The following KIRREL1 variants were observed in gnomAD, a reference collection of about 807,000 sequenced individuals.
The protein encoded by KIRREL1 is kin of IRRE-like protein 1.
In KIRREL1, 25 loss-of-function variants were observed where a neutral mutation model predicts 83.3. The ratio of observed to expected loss-of-function variants is 0.30; its 90% CI spans 0.22 to 0.42. KIRREL1 has a LOEUF of 0.42. Among genes scored for constraint, KIRREL1 ranks in the 10% least tolerant of loss-of-function variants. The pLI, the probability that KIRREL1 is intolerant of heterozygous loss-of-function variation, is 1.00. For missense variants in KIRREL1, 812 were observed against 1,032.3 expected (o/e 0.79, Z 2.92); for synonymous variants, 388 against 410.4 (o/e 0.95, Z 0.66).
rs1662124871 is a variant in KIRREL1, at chr1:158,089,500, A to G, written c.1045-2A>G. On this transcript the variant is annotated splice_acceptor_variant, in intron 8 of 14. Coordinates refer to ENST00000359209, the MANE Select transcript of KIRREL1 (RefSeq NM_018240.7). LOFTEE classifies it high-confidence loss of function. ...CCACCCGAGGCTGCTCTCTCTGCCC[A>G]GGTCCTGAGTAACAGCAACCAGCTG... 3 of 1,613,990 alleles carry G rather than the reference A, an allele frequency of 1.9e-6. No individual in the cohort carries two copies. Among genetic ancestry groups the G allele is most frequent in the African/African-American group, 1.3e-5 (1 of 74,922 alleles).
chr1:158,080,658 G>C (rs1661822656), intron 3 of KIRREL1, among the ~76,000 whole-genome samples: 1 of 152,156 alleles, frequency 6.6e-6, no homozygotes, highest in South Asian at 2.1e-4. Context: ...AAACACCTGG[G>C]CATGGTGTCT....
At position 158,016,037 on chromosome 1, in the gene KIRREL1, G is replaced by A. The variant is rs571740391; in HGVS notation, c.52+22309G>A. 9.9e-4 allele frequency among the ~76,000 whole-genome samples: 151 copies of A among 152,252 alleles called. 4 individuals are homozygous for A. The South Asian group carries it at 0.03, about 30-fold the overall frequency. ...ATTAAGAAAGCAGGCTGGGTGCGGCGGCTCAAGCCTGTAATCCCAGCACTT... is the reference window on the plus strand; with the variant it reads ...ATTAAGAAAGCAGGCTGGGTGCGGCAGCTCAAGCCTGTAATCCCAGCACTT... On this transcript the variant is annotated intron_variant, in intron 1 of 14. Transcript: ENST00000359209.
chr1:158,073,001 G>A (rs1268247056), intron 1 of KIRREL1, among the ~76,000 whole-genome samples: 1 of 152,174 alleles, frequency 6.6e-6, no homozygotes, highest in Non-Finnish European at 1.5e-5. Context: ...TCTGGGTACA[G>A]ATCAGAGAGA....
intron 1 of KIRREL1, among the ~76,000 whole-genome samples, chr1:158,071,622 C>T (rs1661517240): frequency 6.6e-6 from 1 of 152,184 alleles, no homozygotes; most frequent in Admixed American, 6.5e-5. Context: ...TTCCTGGTTC[C>T]CCTCCCACCT....
At chr1:158,013,919 A>G (rs1433416365) in intron 1 of KIRREL1, among the ~76,000 whole-genome samples, 2 of 152,150 alleles carry the variant, frequency 1.3e-5, no homozygotes, top group South Asian at 2.1e-4. Context: ...TTTAGGTGAC[A>G]CTGCTCCTGG....
chr1:158,089,675 T>A (rs1229205706), intron 9 of KIRREL1, 43 bp from the exon 10 acceptor site: 14 of 1,614,052 alleles, frequency 8.7e-6, no homozygotes, highest in Non-Finnish European at 1.2e-5. Flanking sequence ...GGGCTGGTAC[T>A]GCAGTTTTTA....
chr1:158,068,944 G>A (rs1266173580), intron 1 of KIRREL1, among the ~76,000 whole-genome samples: 2 of 152,176 alleles, frequency 1.3e-5, no homozygotes, highest in South Asian at 2.1e-4. Flanking sequence ...CCAGCAGCAC[G>A]ATCTGGAGTG....
At position 158,096,837 on chromosome 1, in the gene KIRREL1, G is replaced by A. The variant is rs1398560835; in HGVS notation, c.*1717G>A. On this transcript the variant is annotated 3_prime_UTR_variant, in exon 15 of 15. Transcript: ENST00000359209. Reference sequence around the variant, plus strand: ...GCATGTCCAGCCCAGTGGGAGACAGGGCCTCTGGTGCAGTTCCCAAAATGT... The same window carrying A: ...GCATGTCCAGCCCAGTGGGAGACAGAGCCTCTGGTGCAGTTCCCAAAATGT... The A allele has an allele frequency of 4.4e-6, 2 of 456,532 alleles. No individual in the cohort carries two copies. The highest frequency in any genetic ancestry group is 4.0e-5 in the African/African-American group (2 of 50,048). The allele number at this position is 456,532 out of a possible 1,614,324, so 28.3% of individuals were successfully genotyped here.
At position 158,043,659 on chromosome 1, in the gene KIRREL1, T is replaced by A. The variant is rs190423968; in HGVS notation, c.53-32454T>A. On this transcript the variant is annotated intron_variant, in intron 1 of 14. Transcript: ENST00000359209. The stretch of plus-strand genomic sequence containing the variant: ...AGGCTGGGTACCCCATTACCATGAG[T>A]TCTAGGGGCTGTGGAGAAGGCCTCT... Among the ~76,000 whole-genome samples the A allele has an allele frequency of 3.9e-5, 6 of 152,282 alleles. No individual in the cohort carries two copies. In the East Asian group the frequency reaches 1.2e-3, roughly 30 times the overall value.
intron 1 of KIRREL1, among the ~76,000 whole-genome samples, chr1:158,009,415 CA>C (rs1659608124): frequency 6.6e-6 from 1 of 152,186 alleles, no homozygotes; most frequent in Admixed American, 6.5e-5. Context: ...ACAGTATATG[CA>C]AAACAGAGCC....
chr1:158,020,279 G>A (rs1215207372), intron 1 of KIRREL1, among the ~76,000 whole-genome samples: 2 of 152,006 alleles, frequency 1.3e-5, no homozygotes, highest in Non-Finnish European at 2.9e-5. Context: ...TGCTGCATCA[G>A]TCCCAATGAC....
intron 1 of KIRREL1, among the ~76,000 whole-genome samples, chr1:158,034,873 A>G (rs912929795): frequency 2.0e-5 from 3 of 152,202 alleles, no homozygotes; most frequent in Non-Finnish European, 2.9e-5. Context: ...TTTATTTCTC[A>G]TGCTACCAGA....
chr1:158,095,203 C>A lies in KIRREL1; in HGVS notation c.*83C>A. 1 of 1,018,036 alleles carries A rather than the reference C, an allele frequency of 9.8e-7. No individual in the cohort carries two copies. Among genetic ancestry groups the A allele is most frequent in the South Asian group, 1.6e-5 (1 of 60,806 alleles). 63.1% of individuals were successfully genotyped at this position (1,018,036 alleles called of 1,614,324 possible). On this transcript the variant is annotated 3_prime_UTR_variant, in exon 15 of 15. Transcript: ENST00000359209. ...TTCCCTGATATTCAGGGGCATTGCT[C>A]ATTGCTCCCTTCTCGGACCAGCCTT... is the stretch of plus-strand genomic sequence containing the variant.
intron 1 of KIRREL1, among the ~76,000 whole-genome samples, chr1:158,058,450 C>T (rs2101601851): frequency 6.6e-6 from 1 of 152,314 alleles, no homozygotes; most frequent in East Asian, 1.9e-4. Context: ...CCATGGCTGT[C>T]ACTGAGAAAT....
rs188355281 is a variant in KIRREL1, at chr1:158,078,945, A to C, written c.352+805A>C. Among the ~76,000 whole-genome samples the C allele has an allele frequency of 2.2e-3, 339 of 152,132 alleles. 2 individuals are homozygous for C. Among genetic ancestry groups the C allele is most frequent in the Middle Eastern group, 0.017 (5 of 292 alleles). ...GAACCGGAAGGAGGCCAGCTTCAGC[A>C]CACCCCTTGCCCCCCCTCACCCACT... is the stretch of plus-strand genomic sequence containing the variant. On this transcript the variant is annotated intron_variant, in intron 3 of 14. Transcript: ENST00000359209.
intron 13 of KIRREL1, 44 bp downstream of exon 13, chr1:158,093,806 C>T (rs777797936): frequency 1.1e-5 from 17 of 1,608,500 alleles, no homozygotes; most frequent in Non-Finnish European, 1.3e-5. Flanking sequence ...TCTCCACCCT[C>T]TGAGGACCAG....
At position 158,095,298 on chromosome 1, in the gene KIRREL1, G is replaced by A. The variant is rs549919493; in HGVS notation, c.*178G>A. ...CCCCGTCCCGAGGATGGTGCTCTGT[G>A]CATGCCCCAGCCTCCTGGGCCTGCC... On this transcript the variant is annotated 3_prime_UTR_variant, in exon 15 of 15. Transcript: ENST00000359209. The A allele has an allele frequency of 1.0e-5, 6 of 582,304 alleles. No individual in the cohort carries two copies. Among genetic ancestry groups the A allele is most frequent in the African/African-American group, 9.3e-5 (5 of 53,712 alleles). The allele number at this position is 582,304 out of a possible 1,614,324, so 36.1% of individuals were successfully genotyped here.
Position 158,093,411 on chromosome 1 carries a change from C to T in KIRREL1, c.1544C>T (p.Ala515Val). The T allele has an allele frequency of 6.2e-7, 1 of 1,614,240 alleles. No homozygotes were observed. Among genetic ancestry groups the T allele is most frequent in the East Asian group, 2.2e-5 (1 of 44,882 alleles). ...ATCCTGCTCATCTTCTTCTTCATCGCCTTGGTATTCTTCCTCTACCGGCGC... is the reference window on the plus strand; with the variant it reads ...ATCCTGCTCATCTTCTTCTTCATCGTCTTGGTATTCTTCCTCTACCGGCGC... ...ASILLIFFFI[A>V]LVFFLYRRRK... The change falls in exon 12 of 15, where the codon GCC (alanine) becomes GTC (valine). Residue 515 changes from alanine (A) to valine (V), a missense_variant. Physicochemically the swap from Ala to Val is moderately conservative, Grantham distance 64. Transcript: ENST00000359209.
chr1:158,015,445 G>T (rs999557293), intron 1 of KIRREL1, among the ~76,000 whole-genome samples: 1 of 152,192 alleles, frequency 6.6e-6, no homozygotes, highest in African/African-American at 2.4e-5. Flanking sequence ...AGATGGAATG[G>T]TTTTGGCCCC....
Sources: allele counts gnomAD v4.1 joint callset (sites outside exome capture counted in the v4.1 genomes callset), GRCh38; gene constraint gnomAD v4.1.1; transcripts MANE v1.5; gene names NCBI Gene and HGNC (gene_info 2026-07-23, HGNC 2026-07-21).